The following NAV3 variants were observed in gnomAD, a reference collection of about 807,000 sequenced individuals.
NAV3 encodes neuron navigator 3, also known as pore membrane and/or filament interacting like protein 1.
Under a neutral mutation model 244.7 loss-of-function variants are expected in NAV3, and 87 were observed. The ratio of observed to expected loss-of-function variants is 0.36; its 90% CI spans 0.30 to 0.42. The LOEUF is 0.42. NAV3 is among the 20% of genes least tolerant of loss of function. The pLI, the probability that NAV3 is intolerant of heterozygous loss-of-function variation, is 1.00. For synonymous variants in NAV3, 1,126 were observed against 1,042.2 expected, an observed-to-expected ratio of 1.08 and a Z score of -1.55; for missense variants, 2,663 against 2,893.3, an observed-to-expected ratio of 0.92 and a Z score of 1.83.
chr12:77,603,547 T>A (rs1337751312), intron 2 of NAV3, among the ~76,000 whole-genome samples: 1 of 152,012 alleles, frequency 6.6e-6, no homozygotes, highest in Non-Finnish European at 1.5e-5. Flanking sequence ...TTTAGTACAC[T>A]GGTATAAGTA....
At chr12:77,591,502 G>A (rs771927477) in intron 2 of NAV3, among the ~76,000 whole-genome samples, 2 of 152,202 alleles carry the variant, frequency 1.3e-5, no homozygotes, top group Non-Finnish European at 2.9e-5. Flanking sequence ...TCTCTACACA[G>A]AAGGAAGAAG....
In NAV3 at chr12:77,814,983, G is replaced by C. The variant is rs11106813; in HGVS notation, c.73-125336G>C. ...ACTTACATTGGCACTGTTCATGGAG[G>C]AATCTTGGAAAACTGTCAGGAAATG... On this transcript the variant is annotated intron_variant, in intron 2 of 8. Transcript: ENST00000550042. 5.6e-4 allele frequency among the ~76,000 whole-genome samples: 85 copies of C among 152,238 alleles called. 3 individuals are homozygous for C. In the East Asian group the frequency reaches 0.015, roughly 27 times the overall value.
chr12:77,836,043 C>T lies in NAV3; in HGVS notation c.243+4339C>T, dbSNP rs146672609. Among the ~76,000 whole-genome samples the T allele has an allele frequency of 2.4e-3, 367 of 152,302 alleles. 1 individual carries two copies. Among genetic ancestry groups the T allele is most frequent in the South Asian group, 0.011 (54 of 4,828 alleles). ...ATGTTTTCCTTAGCTATATCTTGTT[C>T]TGATTTCTTTCTTATCTCAAATTTT... On this transcript the variant is annotated intron_variant, in intron 1 of 39. Transcript: ENST00000397909.
intron 34 of NAV3, among the ~76,000 whole-genome samples, chr12:78,196,978 C>T (rs1959183365): frequency 6.6e-6 from 1 of 151,700 alleles, no homozygotes; most frequent in Non-Finnish European, 1.5e-5. Flanking sequence ...AGAAATATGC[C>T]GTCATGTTTA....
chr12:78,168,916 T>A, intron 24 of NAV3, 50 bp downstream of exon 24: 1 of 1,214,720 alleles, frequency 8.2e-7, no homozygotes, highest in Non-Finnish European at 1.2e-6. Context: ...GACATCTATT[T>A]TATTTATTAA....
At chr12:78,139,626 G>A (rs911841349) in intron 19 of NAV3, among the ~76,000 whole-genome samples, 10 of 151,976 alleles carry the variant, frequency 6.6e-5, no homozygotes, top group Non-Finnish European at 1.2e-4. Flanking sequence ...GGAAGTATAG[G>A]AGTATAAAGC....
intron 1 of NAV3, among the ~76,000 whole-genome samples, chr12:77,869,578 T>G (rs1323327507): frequency 6.6e-6 from 1 of 152,188 alleles, no homozygotes; most frequent in African/African-American, 2.4e-5. Context: ...TCCATTACTC[T>G]TAACCTCGTT....
intron 24 of NAV3, 82 bp from the exon 25 acceptor site, chr12:78,175,224 G>C (rs1958168545): frequency 4.1e-6 from 6 of 1,472,322 alleles, no homozygotes; most frequent in Non-Finnish European, 5.6e-6. Context: ...TTAGAGAACT[G>C]CCTCTCAAAA....
chr12:78,075,921 A>C (rs1367915720), intron 12 of NAV3, among the ~76,000 whole-genome samples: 2 of 152,220 alleles, frequency 1.3e-5, no homozygotes, highest in Non-Finnish European at 2.9e-5. Context: ...AGCTTCTGCA[A>C]GGTTCCCAAG....
chr12:77,651,180 T>G (rs1872805789), intron 2 of NAV3, among the ~76,000 whole-genome samples: 1 of 152,166 alleles, frequency 6.6e-6, no homozygotes, highest in Admixed American at 6.5e-5. Flanking sequence ...TCTAGCTGCT[T>G]GCATAATTGC....
At chr12:77,581,414 A>G (rs1869359112) in intron 2 of NAV3, among the ~76,000 whole-genome samples, 1 of 152,204 alleles carries the variant, frequency 6.6e-6, no homozygotes, top group Admixed American at 6.5e-5. Flanking sequence ...TCCTTTATAA[A>G]TGTTTCCTGC....
At chr12:77,755,797 G>A (rs1393432648) in intron 2 of NAV3, among the ~76,000 whole-genome samples, 1 of 150,760 alleles carries the variant, frequency 6.6e-6, no homozygotes, top group Admixed American at 6.6e-5. Flanking sequence ...GCAGTGGCGT[G>A]AACACAGCTC....
chr12:77,828,512 C>A (rs915339204), upstream of NAV3, among the ~76,000 whole-genome samples: 3 of 151,976 alleles, frequency 2.0e-5, no homozygotes, highest in African/African-American at 7.3e-5. Flanking sequence ...TGTAAAACCT[C>A]ATTTTGAACT....
intron 2 of NAV3, among the ~76,000 whole-genome samples, chr12:77,817,037 C>CT: frequency 6.6e-6 from 1 of 152,146 alleles, no homozygotes. Flanking sequence ...TCTGGTAGTT[C>CT]TTTTTCATTT....
rs191779353 is a variant in NAV3 at position 77,655,474 on chromosome 12, G to A, written c.72+83208G>A. On this transcript the variant is annotated intron_variant, in intron 2 of 8. Coordinates refer to the NAV3 transcript ENST00000550042. Reference sequence around the variant, plus strand: ...GACTATGTGAAAAGACCAAATCTACGTCTGATTGGTGTACCTGAAAGTGAC... The same window carrying A: ...GACTATGTGAAAAGACCAAATCTACATCTGATTGGTGTACCTGAAAGTGAC... Among the ~76,000 whole-genome samples the A allele has an allele frequency of 7.0e-3, 1,061 of 152,282 alleles. 22 individuals are homozygous for A. The highest frequency in any genetic ancestry group is 0.05 in the Admixed American group (762 of 15,288).
chr12:77,967,125 A>G (rs944264318), intron 4 of NAV3, among the ~76,000 whole-genome samples: 10 of 152,074 alleles, frequency 6.6e-5, no homozygotes, highest in Non-Finnish European at 1.5e-4. Context: ...ATTCCCCAGG[A>G]TAATATGTTG....
At chr12:77,641,129 G>C (rs915488090) in intron 2 of NAV3, among the ~76,000 whole-genome samples, 3 of 152,090 alleles carry the variant, frequency 2.0e-5, no homozygotes, top group Non-Finnish European at 4.4e-5. Context: ...ACATTCCTCA[G>C]ATCAAAAGTT....
chr12:77,913,162 G>A (rs1886784705), intron 1 of NAV3, among the ~76,000 whole-genome samples: 1 of 151,948 alleles, frequency 6.6e-6, no homozygotes, highest in South Asian at 2.1e-4. Flanking sequence ...ACATATACGT[G>A]TACTTTTACT....
At chr12:78,043,281 A>T (rs984533090) in intron 9 of NAV3, among the ~76,000 whole-genome samples, 1 of 152,214 alleles carries the variant, frequency 6.6e-6, no homozygotes, top group Non-Finnish European at 1.5e-5. Flanking sequence ...TTATGGTTGC[A>T]TAGTATTCCA....
Sources: allele counts gnomAD v4.1 joint callset (sites outside exome capture counted in the v4.1 genomes callset), GRCh38; gene constraint gnomAD v4.1.1; transcripts MANE v1.5; gene names NCBI Gene and HGNC (gene_info 2026-07-23, HGNC 2026-07-21).